The following KCNH7 variants were observed in gnomAD, a reference collection of about 807,000 sequenced individuals.
KCNH7 encodes potassium voltage-gated channel subfamily H member 7, also known as voltage-gated inwardly rectifying potassium channel KCNH7.
Under a neutral mutation model 120.8 loss-of-function variants are expected in KCNH7, and 49 were observed. The ratio of observed to expected loss-of-function variants is 0.41; its 90% CI spans 0.32 to 0.51. KCNH7 has a LOEUF of 0.51. KCNH7 is among the 20% of genes least tolerant of loss of function. The probability of loss-of-function intolerance (pLI) is 0.38; values close to 1 mark genes in which losing one functional copy is unlikely to be tolerated. For synonymous variants in KCNH7, 547 were observed against 516.1 expected (o/e 1.06, Z -0.81); for missense variants, 1,097 against 1,446.6 (o/e 0.76, Z 3.92).
chr2:162,441,500 A>T (rs1029552545), intron 7 of KCNH7, among the ~76,000 whole-genome samples: 3 of 152,140 alleles, frequency 2.0e-5, no homozygotes, highest in African/African-American at 4.8e-5. Flanking sequence ...TTCAGAAAAA[A>T]TAACGGTAAA....
intron 6 of KCNH7, among the ~76,000 whole-genome samples, chr2:162,496,404 G>T (rs1392886625): frequency 6.6e-6 from 1 of 152,028 alleles, no homozygotes; most frequent in Non-Finnish European, 1.5e-5. Flanking sequence ...CATGCGCACT[G>T]GGGGGATGGA....
chr2:162,669,120 G>C (rs1215854209), intron 2 of KCNH7, among the ~76,000 whole-genome samples: 1 of 152,054 alleles, frequency 6.6e-6, no homozygotes, highest in Admixed American at 6.6e-5. Flanking sequence ...CAAGTAAAGG[G>C]TCATAGAGAA....
intron 2 of KCNH7, among the ~76,000 whole-genome samples, chr2:162,707,318 T>C (rs1022157409): frequency 1.1e-4 from 17 of 152,130 alleles, no homozygotes; most frequent in East Asian, 7.7e-4. Flanking sequence ...ACCTTTAAGA[T>C]AGAAAGCATT....
chr2:162,732,037 T>C (rs1687747069), intron 2 of KCNH7, among the ~76,000 whole-genome samples: 1 of 152,262 alleles, frequency 6.6e-6, no homozygotes, highest in South Asian at 2.1e-4. Context: ...CTACAGACAC[T>C]AGGCAGATGT....
At chr2:162,714,207 A>C (rs1054862269) in intron 2 of KCNH7, among the ~76,000 whole-genome samples, 3 of 152,156 alleles carry the variant, frequency 2.0e-5, no homozygotes, top group Non-Finnish European at 2.9e-5. Context: ...GGTTATATTA[A>C]TAGTTTTTGT....
intron 2 of KCNH7, among the ~76,000 whole-genome samples, chr2:162,726,708 T>A (rs12617455): frequency 6.6e-6 from 1 of 152,174 alleles, no homozygotes; most frequent in Non-Finnish European, 1.5e-5. Flanking sequence ...CCGTGAGACA[T>A]GGCACCCAGC....
chr2:162,615,946 T>C (rs570767346), intron 2 of KCNH7, among the ~76,000 whole-genome samples: 1 of 152,340 alleles, frequency 6.6e-6, no homozygotes, highest in South Asian at 2.1e-4. Context: ...GATGTCCTAT[T>C]TCTCACTAAA....
rs549823732 is a variant in KCNH7, at chr2:162,612,359, A to G, written c.308-75279T>C. On this transcript the variant is annotated intron_variant, in intron 2 of 15. Transcript: ENST00000332142. ...CTTGGTGAAAGGTGGACTTGAAAAA[A>G]CAAGTAAACTCATCTATCTTGACCT... 2.5e-3 allele frequency among the ~76,000 whole-genome samples: 380 copies of G among 152,278 alleles called. 2 individuals carry two copies. Among genetic ancestry groups the G allele is most frequent in the Non-Finnish European group, 3.7e-3 (255 of 68,000 alleles).
At chr2:162,538,331 A>AC (rs1339567452) in intron 2 of KCNH7, among the ~76,000 whole-genome samples, 5 of 151,618 alleles carry the variant, frequency 3.3e-5, no homozygotes, top group African/African-American at 1.2e-4. Flanking sequence ...AAAAGATCGG[A>AC]CCCCCCTGAT....
chr2:162,396,492 T>G (rs914172016), intron 11 of KCNH7, among the ~76,000 whole-genome samples: 1 of 151,858 alleles, frequency 6.6e-6, no homozygotes, highest in Non-Finnish European at 1.5e-5. Context: ...GTGTGGCACC[T>G]AAGGGCTTCT....
At chr2:162,691,911 T>C (rs1055626858) in intron 2 of KCNH7, among the ~76,000 whole-genome samples, 1 of 152,188 alleles carries the variant, frequency 6.6e-6, no homozygotes, top group African/African-American at 2.4e-5. Context: ...CAAACATCAG[T>C]GTCCCTGAGG....
At chr2:162,516,108 C>T (rs750703996) in intron 4 of KCNH7, among the ~76,000 whole-genome samples, 3 of 151,742 alleles carry the variant, frequency 2.0e-5, no homozygotes, top group South Asian at 2.1e-4. Context: ...ATATTTATCG[C>T]GTATCTGCCA....
intron 2 of KCNH7, among the ~76,000 whole-genome samples, chr2:162,605,177 T>C (rs1387681199): frequency 2.0e-5 from 3 of 152,132 alleles, no homozygotes; most frequent in Non-Finnish European, 2.9e-5. Flanking sequence ...TAGAAGCTTC[T>C]TTAAGACAGA....
intron 2 of KCNH7, among the ~76,000 whole-genome samples, chr2:162,774,496 G>A (rs1045644615): frequency 3.3e-5 from 5 of 152,138 alleles, no homozygotes; most frequent in African/African-American, 1.2e-4. Flanking sequence ...CTTATCCTGT[G>A]TGGAGGGTGG....
At chr2:162,765,482 T>C (rs1178649422) in intron 2 of KCNH7, among the ~76,000 whole-genome samples, 1 of 152,194 alleles carries the variant, frequency 6.6e-6, no homozygotes, top group Non-Finnish European at 1.5e-5. Flanking sequence ...AGGTAGGTCC[T>C]TTGCTGTGTG....
chr2:162,597,866 G>T (rs1461912789), intron 2 of KCNH7, among the ~76,000 whole-genome samples: 1 of 151,990 alleles, frequency 6.6e-6, no homozygotes, highest in African/African-American at 2.4e-5. Context: ...ACAACATTTT[G>T]AAAACTTAAT....
intron 2 of KCNH7, among the ~76,000 whole-genome samples, chr2:162,788,702 G>A (rs1248915732): frequency 6.6e-6 from 1 of 151,890 alleles, no homozygotes; most frequent in African/African-American, 2.4e-5. Flanking sequence ...AATAGGCAGA[G>A]GGATTCTTAA....
intron 5 of KCNH7, among the ~76,000 whole-genome samples, chr2:162,506,714 C>T (rs58673128): frequency 2.0e-5 from 3 of 151,612 alleles, no homozygotes; most frequent in African/African-American, 4.8e-5. Flanking sequence ...ATGTCATCAC[C>T]GATTCTACAA....
chr2:162,400,565 C>T, intron 9 of KCNH7, 124 bp from the exon 10 acceptor site: 2 of 892,904 alleles, frequency 2.2e-6, no homozygotes, highest in South Asian at 1.6e-5. Flanking sequence ...TCCTACTACT[C>T]TTCTACCTCG....
Sources: gnomAD v4.1 joint callset for allele counts (sites outside exome capture counted in the v4.1 genomes callset) on GRCh38, gnomAD v4.1.1 for gene constraint, MANE v1.5 for transcripts, NCBI Gene and HGNC (gene_info 2026-07-23, HGNC 2026-07-21) for gene names.